Variants in KCNIP4 observed in about 807,000 individuals in gnomAD.
KCNIP4 encodes the protein potassium voltage-gated channel interacting protein 4.
A neutral mutation model predicts 34.0 loss-of-function variants in KCNIP4; 12 were observed. The ratio of observed to expected loss-of-function variants is 0.35; its 90% confidence interval spans 0.23 to 0.57. The LOEUF is 0.57. Among genes scored for constraint, KCNIP4 ranks in the 20% least tolerant of loss-of-function variants. The probability of loss-of-function intolerance (pLI) is 0.83; values close to 1 mark genes in which losing one functional copy is unlikely to be tolerated. For synonymous variants in KCNIP4, 124 were observed against 102.2 expected (o/e 1.21, Z -1.29); for missense variants, 238 against 311.7 (o/e 0.76, Z 1.78).
intron 1 of KCNIP4, among the ~76,000 whole-genome samples, chr4:21,693,716 C>T (rs2109048725): frequency 6.6e-6 from 1 of 152,316 alleles, no homozygotes; most frequent in East Asian, 1.9e-4. Flanking sequence ...TCCCTCTCAT[C>T]CGTTAATCTA....
At chr4:20,837,409 G>A (rs2149466153) in intron 3 of KCNIP4, among the ~76,000 whole-genome samples, 1 of 152,084 alleles carries the variant, frequency 6.6e-6, no homozygotes, top group South Asian at 2.1e-4. Flanking sequence ...ATAATTGCCA[G>A]TTACACTTCT....
chr4:21,201,781 A>C (rs1193949336), intron 1 of KCNIP4, among the ~76,000 whole-genome samples: 1 of 152,238 alleles, frequency 6.6e-6, no homozygotes, highest in Non-Finnish European at 1.5e-5. Flanking sequence ...TATAGGCGTG[A>C]GCCACCACAC....
chr4:21,816,691 G>A (rs1968778), intron 1 of KCNIP4, among the ~76,000 whole-genome samples: 58,048 of 151,912 alleles, frequency 0.38, 12,652 homozygotes, highest in Non-Finnish European at 0.51. Flanking sequence ...ACCTGTGTTT[G>A]GTCATCACAG....
chr4:21,074,423 A>G (rs1326518332), intron 1 of KCNIP4, among the ~76,000 whole-genome samples: 17 of 152,114 alleles, frequency 1.1e-4, no homozygotes, highest in Non-Finnish European at 1.5e-5. Context: ...GTTTATTTGC[A>G]TAGAGGTGTT....
At chr4:20,786,340 G>T (rs780419749) in intron 3 of KCNIP4, among the ~76,000 whole-genome samples, 3 of 152,004 alleles carry the variant, frequency 2.0e-5, no homozygotes, top group Non-Finnish European at 4.4e-5. Context: ...CTTTCTATTG[G>T]GTACTATGCT....
At chr4:20,859,889 G>A (rs1184602971) in intron 2 of KCNIP4, among the ~76,000 whole-genome samples, 1 of 152,140 alleles carries the variant, frequency 6.6e-6, no homozygotes, top group Non-Finnish European at 1.5e-5. Context: ...GAAGAATAAT[G>A]TCACTTTTTG....
chr4:20,732,161 C>T, intron 7 of KCNIP4, 93 bp from the exon 8 acceptor site: 1 of 838,566 alleles, frequency 1.2e-6, no homozygotes. Flanking sequence ...AAAAGAAAAC[C>T]TAGCTGCTTA....
intron 1 of KCNIP4, among the ~76,000 whole-genome samples, chr4:20,997,144 G>A (rs1737624366): frequency 6.6e-6 from 1 of 152,150 alleles, no homozygotes; most frequent in African/African-American, 2.4e-5. Flanking sequence ...ATTTCAGGCA[G>A]TTGACAGGCA....
chr4:21,556,930 A>AAAAAAATAAAAAAAAAAAAC (rs1739095512), intron 1 of KCNIP4, among the ~76,000 whole-genome samples: 1 of 108,194 alleles, frequency 9.2e-6, no homozygotes, highest in Non-Finnish European at 2.0e-5. Flanking sequence ...CAGAAAAAAA[A>AAAAAAATAAAAAAAAAAAAC]AAAAAAAAAA....
intron 3 of KCNIP4, among the ~76,000 whole-genome samples, chr4:20,836,867 C>A: frequency 7.3e-6 from 1 of 137,242 alleles, no homozygotes; most frequent in East Asian, 2.0e-4. Context: ...TCATAGAGTT[C>A]TCTCTTTTTT....
At chr4:21,175,961 T>A (rs1331139807) in intron 1 of KCNIP4, among the ~76,000 whole-genome samples, 1 of 152,156 alleles carries the variant, frequency 6.6e-6, no homozygotes, top group Non-Finnish European at 1.5e-5. Flanking sequence ...CATTTGTTTT[T>A]TTTTAGAGTT....
intron 1 of KCNIP4, among the ~76,000 whole-genome samples, chr4:21,518,011 C>T (rs1734904343): frequency 2.0e-5 from 3 of 152,178 alleles, no homozygotes; most frequent in Admixed American, 1.3e-4. Flanking sequence ...CGAAAGCTTT[C>T]AGAAGACAGG....
intron 1 of KCNIP4, among the ~76,000 whole-genome samples, chr4:21,038,048 G>A (rs1157293456): frequency 2.0e-5 from 3 of 152,168 alleles, no homozygotes; most frequent in African/African-American, 7.2e-5. Flanking sequence ...CAGTGGAGCA[G>A]CTCACTGCAA....
intron 1 of KCNIP4, among the ~76,000 whole-genome samples, chr4:21,014,547 C>T (rs578112917): frequency 6.6e-6 from 1 of 152,220 alleles, no homozygotes; most frequent in South Asian, 2.1e-4. Flanking sequence ...TATGGAAATG[C>T]AAATCAAATC....
chr4:21,665,508 G>A (rs1008762781), intron 1 of KCNIP4, among the ~76,000 whole-genome samples: 13 of 87,736 alleles, frequency 1.5e-4, no homozygotes, highest in Non-Finnish European at 1.5e-4. Context: ...TCTATCACAG[G>A]GCACCCCCCC....
intron 1 of KCNIP4, among the ~76,000 whole-genome samples, chr4:21,357,092 C>T (rs1440486886): frequency 6.6e-6 from 1 of 152,082 alleles, no homozygotes; most frequent in Non-Finnish European, 1.5e-5. Context: ...ATAAATGGTG[C>T]TGGGAAAACT....
At chr4:20,805,186 CTTTTTTTTTTTTTTTTTT>C (rs10552321) in intron 3 of KCNIP4, among the ~76,000 whole-genome samples, 1 of 92,078 alleles carries the variant, frequency 1.1e-5, no homozygotes, top group East Asian at 3.3e-4. Context: ...TAGATGCTTC[CTTTTTTTTTTTTTTTTTT>C]TTTTTTTTTT....
intron 1 of KCNIP4, among the ~76,000 whole-genome samples, chr4:20,941,973 C>A (rs577387057): frequency 1.1e-4 from 17 of 152,262 alleles, no homozygotes; most frequent in African/African-American, 4.1e-4. Context: ...GTGCTAAGCA[C>A]TGAGGAAATA....
At chr4:21,182,533 T>C (rs903365915) in intron 1 of KCNIP4, among the ~76,000 whole-genome samples, 1 of 151,926 alleles carries the variant, frequency 6.6e-6, no homozygotes, top group Non-Finnish European at 1.5e-5. Flanking sequence ...TGTGTAGTCA[T>C]GAAGTATGGG....
Sources: allele counts gnomAD v4.1 joint callset (sites outside exome capture counted in the v4.1 genomes callset), GRCh38; gene constraint gnomAD v4.1.1; transcripts MANE v1.5; gene names NCBI Gene and HGNC (gene_info 2026-07-23, HGNC 2026-07-21).